The following VSTM2A variants were observed in gnomAD, a reference collection of about 807,000 sequenced individuals.
VSTM2A encodes the protein V-set and transmembrane domain-containing protein 2A.
Under a neutral mutation model 27.3 loss-of-function variants are expected in VSTM2A, and 13 were observed. The observed-to-expected ratio is 0.48, with a 90% CI of 0.31 to 0.76. The LOEUF (loss-of-function observed/expected upper bound fraction) is 0.76, where lower values mean the gene tolerates loss of function less well. VSTM2A is among the 30% of genes least tolerant of loss of function. VSTM2A has a pLI of 0.05. For synonymous variants in VSTM2A, 142 were observed against 125.7 expected (o/e 1.13, Z -0.87); for missense variants, 280 against 310.0 (o/e 0.90, Z 0.73).
At chr7:54,546,854 G>A in intron 2 of VSTM2A, 93 bp from the exon 3 acceptor site, 1 of 1,531,894 alleles carries the variant, frequency 6.5e-7, no homozygotes, top group Non-Finnish European at 8.8e-7. Flanking sequence ...TCACCCTGAC[G>A]GCCCTGCCCG....
chr7:54,554,667 C>T (rs1421438643), intron 4 of VSTM2A, among the ~76,000 whole-genome samples: 2 of 152,296 alleles, frequency 1.3e-5, no homozygotes, highest in South Asian at 4.1e-4. Context: ...CCTGCTGAGC[C>T]CTCCTGGAAG....
intron 3 of VSTM2A, among the ~76,000 whole-genome samples, chr7:54,548,607 A>G (rs1182250684): frequency 6.6e-6 from 1 of 152,236 alleles, no homozygotes; most frequent in African/African-American, 2.4e-5. Context: ...ATAAAATGGG[A>G]TAATAATATA....
intron 1 of VSTM2A, among the ~76,000 whole-genome samples, chr7:54,543,847 CATT>C (rs1787860169): frequency 6.6e-6 from 1 of 152,100 alleles, no homozygotes; most frequent in African/African-American, 2.4e-5. Flanking sequence ...AGGAAGGAAA[CATT>C]ATATTTTTGT....
chr7:54,550,288 C>A, intron 4 of VSTM2A, 118 bp downstream of exon 4: 1 of 1,502,762 alleles, frequency 6.7e-7, no homozygotes, highest in South Asian at 1.4e-5. Context: ...AGACCTAGTT[C>A]AGTGCAAGTG....
chr7:54,555,203 A>G (rs562758124), intron 4 of VSTM2A, among the ~76,000 whole-genome samples: 1 of 152,348 alleles, frequency 6.6e-6, no homozygotes, highest in Admixed American at 6.5e-5. Flanking sequence ...CATTGTCAAC[A>G]CAGGCCCTCT....
intron 4 of VSTM2A, chr7:54,558,447 TG>T (rs1194205618): frequency 6.6e-6 from 1 of 152,174 alleles, no homozygotes; most frequent in Admixed American, 6.5e-5. Flanking sequence ...AAAACTGATA[TG>T]GTAATACTTA....
At chr7:54,542,882 C>G (rs544689313) in intron 1 of VSTM2A, 73 bp downstream of exon 1, 25 of 1,400,624 alleles carry the variant, frequency 1.8e-5, no homozygotes, top group Non-Finnish European at 2.4e-5. Flanking sequence ...AAAGAATGGA[C>G]AGGCAGATAG....
At position 54,545,962 on chromosome 7, in the gene VSTM2A, G is replaced by A. The variant is rs1224519268; in HGVS notation, c.247-985G>A. ...GGGGTGGGAGAGCAGAGAGAATGAG[G>A]GGGAAGGGGTGGGAGAGGAGAGAGA... On this transcript the variant is annotated intron_variant, in intron 2 of 4. Transcript: ENST00000402613. 1.3e-4 allele frequency among the ~76,000 whole-genome samples: 8 copies of A among 63,218 alleles called. No homozygotes were observed. The East Asian group carries it at 1.6e-3, about 13-fold the overall frequency. The allele number at this position is 63,218 out of a possible 152,430, so 41.5% of individuals were successfully genotyped here. A position where few individuals can be genotyped will look rare whatever the true frequency, so the allele number is the denominator to read the frequency against.
Position 54,550,042 on chromosome 7 carries a change from A to G in VSTM2A, c.506A>G (p.Asp169Gly). ...AFEASPMWLQ[D>G]MKPRKNVSAA... ...GAAGCCTCGCCCATGTGGCTGCAGG[A>G]TATGAAGCCCCGCAAGAACGTCTCC... Residue 169 changes from aspartate to glycine, a missense_variant, in exon 4 of 5, where the codon GAT (aspartate) becomes GGT (glycine). Coordinates refer to ENST00000402613, the MANE Select transcript of VSTM2A (RefSeq NM_001301009.2). 6.2e-7 allele frequency: 1 copy of G among 1,610,610 alleles called. No homozygotes were observed. Among genetic ancestry groups the G allele is most frequent in the Non-Finnish European group, 8.5e-7 (1 of 1,178,432 alleles).
intron 4 of VSTM2A, among the ~76,000 whole-genome samples, chr7:54,555,720 A>G (rs1335151208): frequency 2.6e-5 from 4 of 152,322 alleles, no homozygotes; most frequent in South Asian, 2.1e-4. Context: ...TACAAATACT[A>G]TAGCTTGTTT....
intron 4 of VSTM2A, 21 bp from the exon 5 acceptor site, chr7:54,569,110 T>A (rs1164845571): frequency 1.3e-6 from 2 of 1,588,596 alleles, no homozygotes; most frequent in African/African-American, 1.3e-5. Context: ...TTTTTTCCAA[T>A]ATCACTTTCT....
intron 3 of VSTM2A, chr7:54,547,256 T>A: frequency 4.8e-6 from 2 of 417,138 alleles, no homozygotes. Flanking sequence ...CTTTCCTTGC[T>A]TTTTGTAACT....
Position 54,544,772 on chromosome 7 carries a change from AG to A in VSTM2A, c.235del (p.Ala79ProfsTer23). ...CCGGAGGACCTGGATCCCGGGGCCG[AG>A]GGGGCCGGCGCGCAGGTAGCGGAGC... ...RGPEDLDPGAEGAGAQVELLP... is the reference protein window; with the variant it reads ...RGPEDLDPGAXGAGAQVELLP... On this transcript the variant is annotated frameshift_variant, in exon 2 of 5. Coordinates refer to ENST00000402613, the MANE Select transcript of VSTM2A (RefSeq NM_001301009.2). LOFTEE classifies it high-confidence loss of function. The A allele has an allele frequency of 6.2e-7, 1 of 1,608,864 alleles. No homozygotes were observed. The highest frequency in any genetic ancestry group is 8.5e-7 in the Non-Finnish European group (1 of 1,178,122).
chr7:54,550,317 C>G (rs2293343), intron 4 of VSTM2A, 147 bp downstream of exon 4: 1 of 1,470,566 alleles, frequency 6.8e-7, no homozygotes, highest in Admixed American at 2.5e-5. Context: ...AGGTGAGCAC[C>G]GAGCCTGCAC....
intron 4 of VSTM2A, chr7:54,558,590 C>T (rs1375929186): frequency 6.6e-6 from 1 of 151,736 alleles, no homozygotes; most frequent in Non-Finnish European, 1.5e-5. Flanking sequence ...GGAAAATATG[C>T]TACAAAATAA....
At chr7:54,567,573 C>T (rs554925110) in intron 4 of VSTM2A, among the ~76,000 whole-genome samples, 8 of 152,198 alleles carry the variant, frequency 5.3e-5, no homozygotes, top group East Asian at 1.9e-4. Context: ...TCAACAAATT[C>T]GAGCCAATCT....
In VSTM2A at chr7:54,544,643, G is replaced by A; in HGVS notation, c.101G>A (p.Arg34Gln). The A allele has an allele frequency of 6.2e-7, 1 of 1,612,958 alleles. No individual in the cohort carries two copies. Among genetic ancestry groups the A allele is most frequent in the Non-Finnish European group, 8.5e-7 (1 of 1,179,870 alleles). ...GCAGCAAAATTTACCGAGTTTCCGC[G>A]GAACGTGACGGCGACCGAGGGGCAG... ...SSQAKFTEFP[R>Q]NVTATEGQNV... is the part of the protein sequence containing the mutation. Residue 34 changes from arginine to glutamine, a missense_variant, in exon 2 of 5, where the codon CGG (arginine) becomes CAG (glutamine). Physicochemically the swap from Arg to Gln is conservative, Grantham distance 43. Transcript: ENST00000402613.
intron 4 of VSTM2A, among the ~76,000 whole-genome samples, chr7:54,561,412 G>A (rs1788559143): frequency 6.6e-6 from 1 of 152,132 alleles, no homozygotes; most frequent in Non-Finnish European, 1.5e-5. Context: ...TGCCTATGTA[G>A]CAATGGTCAG....
intron 1 of VSTM2A, among the ~76,000 whole-genome samples, chr7:54,543,825 A>C (rs1367864438): frequency 6.6e-6 from 1 of 152,216 alleles, no homozygotes; most frequent in African/African-American, 2.4e-5. Context: ...ATGTTCAAGA[A>C]ATGCCTTTAG....
Sources: gnomAD v4.1 joint callset for allele counts (sites outside exome capture counted in the v4.1 genomes callset) on GRCh38, gnomAD v4.1.1 for gene constraint, MANE v1.5 for transcripts, NCBI Gene and HGNC (gene_info 2026-07-23, HGNC 2026-07-21) for gene names.